DDX6: variants seen among roughly 807,000 people sequenced by gnomAD.
DDX6 encodes probable ATP-dependent RNA helicase DDX6.
DDX6 carries 7 observed loss-of-function variants against 60.6 expected under a neutral mutation model. The ratio of observed to expected loss-of-function variants is 0.12; its 90% CI spans 0.07 to 0.22. DDX6 has a LOEUF of 0.22. DDX6 is among the 10% of genes least tolerant of loss of function. DDX6 has a pLI of 1.00. For synonymous variants in DDX6, 207 were observed against 201.0 expected (o/e 1.03, Z -0.25); for missense variants, 270 against 589.9 (o/e 0.46, Z 5.62).
At chr11:118,782,905 C>G (rs1861946407) in intron 2 of DDX6, among the ~76,000 whole-genome samples, 1 of 152,178 alleles carries the variant, frequency 6.6e-6, no homozygotes, top group Non-Finnish European at 1.5e-5. Flanking sequence ...GCTGGGATTA[C>G]AGGCGTGAGC....
At chr11:118,758,926 T>C (rs1861070153) in intron 8 of DDX6, 24 bp from the exon 9 acceptor site, 1 of 1,612,614 alleles carries the variant, frequency 6.2e-7, no homozygotes, top group Non-Finnish European at 8.5e-7. Context: ...GGGAAAAAGA[T>C]GAGTCGTCGT....
rs71044492 is a variant in DDX6, at chr11:118,780,114, CAAAAAAAA to C, written c.265-386_265-379del. Among the ~76,000 whole-genome samples the C allele has an allele frequency of 5.2e-4, 21 of 40,284 alleles. 1 individual carries two copies. The highest frequency in any genetic ancestry group is 3.0e-3 in the East Asian group (3 of 988). 26.4% of individuals were successfully genotyped at this position (40,284 alleles called of 152,430 possible). A position where few individuals can be genotyped will look rare whatever the true frequency, so the allele number is the denominator to read the frequency against. On this transcript the variant is annotated intron_variant, in intron 3 of 13. Coordinates refer to ENST00000534980, the MANE Select transcript of DDX6 (RefSeq NM_004397.6). The stretch of plus-strand genomic sequence containing the variant: ...GGGGGGACAGAGCCAGACTCTATCT[CAAAAAAAA>C]AAAAAAAAAAAAAAAAAAAGGAAAG...
rs1446071602 is a variant in DDX6, at chr11:118,750,580, T to C, written c.*1525A>G. 6.6e-6 allele frequency: 1 copy of C among 152,174 alleles called. No homozygotes were observed. Among genetic ancestry groups the C allele is most frequent in the Non-Finnish European group, 1.5e-5 (1 of 68,038 alleles). 9.4% of individuals were successfully genotyped at this position (152,174 alleles called of 1,614,324 possible). On this transcript the variant is annotated 3_prime_UTR_variant, in exon 14 of 14. Transcript: ENST00000534980. ...TCCACAGAAAATTAAGCTCCAGAACTGCTAACATTACCAAAGCTGGTACTG... is the reference window on the plus strand; with the variant it reads ...TCCACAGAAAATTAAGCTCCAGAACCGCTAACATTACCAAAGCTGGTACTG...
intron 4 of DDX6, among the ~76,000 whole-genome samples, chr11:118,769,267 A>G (rs1591905635): frequency 6.6e-6 from 1 of 152,196 alleles, no homozygotes; most frequent in Admixed American, 6.5e-5. Context: ...ATAGGCTGGG[A>G]AAGTTTAACC....
rs892676609 is a variant in DDX6, at chr11:118,752,113, A to G, written c.*8-16T>C. 4.6e-6 allele frequency: 1 copy of G among 219,360 alleles called. No homozygotes were observed. The highest frequency in any genetic ancestry group is 6.1e-5 in the Admixed American group (1 of 16,482). The allele number at this position is 219,360 out of a possible 1,614,324, so 13.6% of individuals were successfully genotyped here. A position where few individuals can be genotyped will look rare whatever the true frequency, so the allele number is the denominator to read the frequency against. The stretch of plus-strand genomic sequence containing the variant: ...TTGTCAAAGCCTACAGAAGAAGAGA[A>G]TACAAAATTAACATTCTGAAAGCAA... On this transcript the variant is annotated splice_polypyrimidine_tract_variant and intron_variant, in intron 13 of 13. Transcript: ENST00000534980.
intron 4 of DDX6, among the ~76,000 whole-genome samples, chr11:118,769,322 A>G (rs962294508): frequency 2.6e-5 from 4 of 152,144 alleles, no homozygotes; most frequent in African/African-American, 9.7e-5. Flanking sequence ...TAAATCTCCA[A>G]TGTCTGTCCC....
At chr11:118,760,470 A>G (rs1446383806) in intron 7 of DDX6, among the ~76,000 whole-genome samples, 1 of 152,128 alleles carries the variant, frequency 6.6e-6, no homozygotes, top group African/African-American at 2.4e-5. Context: ...GCCCAGCTCC[A>G]CAACAGAATT....
intron 3 of DDX6, among the ~76,000 whole-genome samples, 151 bp from the exon 4 acceptor site, chr11:118,779,887 G>A (rs1259022093): frequency 6.6e-6 from 1 of 151,990 alleles, no homozygotes; most frequent in African/African-American, 2.4e-5. Flanking sequence ...AGGCCAAGGC[G>A]GGCAGATCAC....
At chr11:118,766,362 A>G (rs1365225471) in intron 5 of DDX6, among the ~76,000 whole-genome samples, 4 of 152,116 alleles carry the variant, frequency 2.6e-5, no homozygotes, top group Admixed American at 2.0e-4. Flanking sequence ...TCAGCCTGGG[A>G]GATTAAGACT....
rs543872492 is a variant in DDX6, at chr11:118,774,691, TG to T, written c.369+4940del. On this transcript the variant is annotated intron_variant, in intron 4 of 13. Coordinates refer to ENST00000534980, the MANE Select transcript of DDX6 (RefSeq NM_004397.6). ...CACCCACCTTGGCTTCCCAAAGTGC[TG>T]GGATTATAGGCATGAGCCACTGCAC... is the stretch of plus-strand genomic sequence containing the variant. Among the ~76,000 whole-genome samples the T allele has an allele frequency of 2.2e-4, 33 of 152,206 alleles. No homozygotes were observed. In the South Asian group the frequency reaches 6.6e-3, roughly 31 times the overall value.
chr11:118,750,101 A>T lies in DDX6; in HGVS notation c.*2004T>A, dbSNP rs1453728639. The T allele has an allele frequency of 1.3e-5, 2 of 152,628 alleles. No homozygotes were observed. The highest frequency in any genetic ancestry group is 4.8e-5 in the African/African-American group (2 of 41,450). The allele number at this position is 152,628 out of a possible 1,614,324, so 9.5% of individuals were successfully genotyped here. On this transcript the variant is annotated 3_prime_UTR_variant, in exon 14 of 14. Transcript: ENST00000534980. ...GATTCCTTTGTCCAAAAGAGTTAAAACATTAAAGTATATGCGGGACTTATT... is the reference window on the plus strand; with the variant it reads ...GATTCCTTTGTCCAAAAGAGTTAAATCATTAAAGTATATGCGGGACTTATT...
At chr11:118,761,878 A>C (rs1861182173) in intron 7 of DDX6, among the ~76,000 whole-genome samples, 1 of 140,732 alleles carries the variant, frequency 7.1e-6, no homozygotes, top group Non-Finnish European at 1.6e-5. Flanking sequence ...AAAAAAAAAA[A>C]CAAACCATGT....
chr11:118,763,057 G>A (rs145406625), intron 7 of DDX6, among the ~76,000 whole-genome samples, 155 bp downstream of exon 7: 2 of 152,242 alleles, frequency 1.3e-5, no homozygotes, highest in African/African-American at 2.4e-5. Context: ...TCCCTCTGAC[G>A]GGTAAAACAC....
intron 4 of DDX6, among the ~76,000 whole-genome samples, chr11:118,779,015 G>C (rs1402298831): frequency 6.6e-6 from 1 of 152,038 alleles, no homozygotes; most frequent in Non-Finnish European, 1.5e-5. Context: ...AAATTAGCCG[G>C]GTGTTGTGGC....
intron 2 of DDX6, among the ~76,000 whole-genome samples, chr11:118,784,959 G>C (rs1453470823): frequency 6.6e-6 from 1 of 152,142 alleles, no homozygotes; most frequent in Non-Finnish European, 1.5e-5. Context: ...GTAGAGACAA[G>C]GTTTCTCCAT....
chr11:118,768,020 C>T (rs1861413644), intron 5 of DDX6: 1 of 533,636 alleles, frequency 1.9e-6, no homozygotes, highest in South Asian at 2.5e-5. Flanking sequence ...TAAGAATACT[C>T]TTAAAACTAG....
chr11:118,755,321 A>G (rs1860929079), intron 12 of DDX6, 81 bp downstream of exon 12: 2 of 815,198 alleles, frequency 2.5e-6, no homozygotes, highest in Non-Finnish European at 4.2e-6. Context: ...ACTGTACTCT[A>G]TTTCACAAAA....
intron 5 of DDX6, among the ~76,000 whole-genome samples, chr11:118,766,312 T>C (rs782742986): frequency 1.3e-5 from 2 of 151,384 alleles, no homozygotes; most frequent in Non-Finnish European, 2.9e-5. Context: ...CATGTGCCTA[T>C]AGTCTCAGCT....
chr11:118,773,285 A>G (rs1175979051), intron 4 of DDX6, among the ~76,000 whole-genome samples: 1 of 152,186 alleles, frequency 6.6e-6, no homozygotes, highest in African/African-American at 2.4e-5. Context: ...ACCTATGGTT[A>G]AAGGCCGGGC....
Sources: gnomAD v4.1 joint callset for allele counts (sites outside exome capture counted in the v4.1 genomes callset) on GRCh38, gnomAD v4.1.1 for gene constraint, MANE v1.5 for transcripts, NCBI Gene and HGNC (gene_info 2026-07-23, HGNC 2026-07-21) for gene names.